The following MYO15B variants were observed in gnomAD, a reference collection of about 807,000 sequenced individuals.
MYO15B encodes myosin XVB, also known as myosin XVB pseudogene.
Under a neutral mutation model 119.3 loss-of-function variants are expected in MYO15B, and 207 were observed. The observed-to-expected ratio is 1.73, with a 90% confidence interval of 1.55 to 1.95. The LOEUF is 1.95. MYO15B is among the 30% of genes most tolerant of loss of function. MYO15B has a pLI of 0.00. For synonymous variants in MYO15B, 966 were observed against 498.9 expected, an observed-to-expected ratio of 1.94 and a Z score of -12.48; for missense variants, 2,264 against 1,203.1, an observed-to-expected ratio of 1.88 and a Z score of -13.04.
At position 75,605,176 on chromosome 17, in the gene MYO15B, G is replaced by A. The variant is rs190160964; in HGVS notation, c.4017-328G>A. On this transcript the variant is annotated intron_variant, in intron 19 of 63. Transcript: ENST00000645453. ...AAAAAGGCCGGGCGCAGTGGCTCAC[G>A]CCTGTAATCCCAGCACTTTGGGAGG... 2.4e-3 allele frequency among the ~76,000 whole-genome samples: 366 copies of A among 151,228 alleles called. 1 individual carries two copies. Among genetic ancestry groups the A allele is most frequent in the Non-Finnish European group, 4.2e-3 (288 of 67,846 alleles).
At chr17:75,619,969 G>A (rs1409634119) in exon 47 of MYO15B, 2 of 702,746 alleles carry the variant, frequency 2.8e-6, no homozygotes, top group Non-Finnish European at 5.2e-6. Flanking sequence ...ACACAGCCCG[G>A]GCAAGGGCCA....
exon 53 of MYO15B, chr17:75,622,036 C>A: frequency 1.4e-6 from 1 of 702,986 alleles, no homozygotes; most frequent in Non-Finnish European, 2.6e-6. Context: ...CCAGTCCAAG[C>A]CCCGGGGCAA....
At position 75,620,456 on chromosome 17, in the gene MYO15B, G is replaced by T. The variant is rs375571740; in HGVS notation, c.7556-11G>T. On this transcript the variant is annotated splice_polypyrimidine_tract_variant and intron_variant, in intron 48 of 63. Coordinates refer to ENST00000645453, the Ensembl canonical transcript of MYO15B. ...TCCAGTGGGTGAGCCACATCCCTGG[G>T]TGCCTTCCAGGCTGGCAGTTTGGCT... The T allele has an allele frequency of 1.4e-6, 1 of 702,492 alleles. No homozygotes were observed. Among genetic ancestry groups the T allele is most frequent in the African/African-American group, 1.7e-5 (1 of 57,356 alleles). 43.5% of individuals were successfully genotyped at this position (702,492 alleles called of 1,614,324 possible).
At chr17:75,595,642 G>A (rs929800585) in intron 12 of MYO15B, among the ~76,000 whole-genome samples, 3 of 152,194 alleles carry the variant, frequency 2.0e-5, no homozygotes, top group East Asian at 1.9e-4. Context: ...CACTCTGGCC[G>A]GTCCTGCCTT....
At chr17:75,597,382 C>A (rs2056932714) in intron 14 of MYO15B, among the ~76,000 whole-genome samples, 1 of 152,244 alleles carries the variant, frequency 6.6e-6, no homozygotes. Flanking sequence ...TTTCCCGTTT[C>A]AGCGCGCGTC....
exon 56 of MYO15B, chr17:75,624,229 G>A (rs1029868915): frequency 2.7e-5 from 19 of 702,980 alleles, no homozygotes; most frequent in East Asian, 5.4e-5. Flanking sequence ...TATGGGGGGC[G>A]CCGGCGGATG....
At chr17:75,614,779 T>C (rs1414386621) in exon 32 of MYO15B, 1 of 702,540 alleles carries the variant, frequency 1.4e-6, no homozygotes. Flanking sequence ...ACAGGGGAGG[T>C]CCAGAGGTCA....
intron 16 of MYO15B, 81 bp from the exon 17 acceptor site, chr17:75,602,749 T>C: frequency 3.3e-6 from 2 of 604,492 alleles, no homozygotes; most frequent in South Asian, 3.9e-5. Flanking sequence ...TGCCGAGGGC[T>C]GGTCCATTCT....
intron 4 of MYO15B, 59 bp downstream of exon 4, chr17:75,591,305 CG>C (rs2056431877): frequency 1.4e-6 from 1 of 695,212 alleles, no homozygotes; most frequent in Middle Eastern, 2.3e-4. Flanking sequence ...GTTGATGGGG[CG>C]GGGCCTGAGG....
chr17:75,599,763 C>T (rs1453177898), intron 14 of MYO15B, among the ~76,000 whole-genome samples: 2 of 150,190 alleles, frequency 1.3e-5, no homozygotes, highest in East Asian at 2.1e-4. Context: ...AGCGTGGTGG[C>T]GGGTGCCTGT....
At position 75,618,107 on chromosome 17, in the gene MYO15B, C is replaced by G. The variant is rs1200697499; in HGVS notation, c.6928-19C>G. 7.1e-6 allele frequency: 5 copies of G among 703,034 alleles called. No individual in the cohort carries two copies. Among genetic ancestry groups the G allele is most frequent in the Admixed American group, 4.0e-5 (2 of 50,002 alleles). The allele number at this position is 703,034 out of a possible 1,614,324, so 43.5% of individuals were successfully genotyped here. A position where few individuals can be genotyped will look rare whatever the true frequency, so the allele number is the denominator to read the frequency against. ...GGCACCAGACCCACCGATCTTTGCC[C>G]TTCTGTGCCCTCCTCCAGGTGTTCT... On this transcript the variant is annotated intron_variant, in intron 42 of 63. Coordinates refer to ENST00000645453, the Ensembl canonical transcript of MYO15B.
chr17:75,620,887 C>T (rs1406904908), intron 49 of MYO15B, 144 bp from the exon 50 acceptor site: 4 of 701,992 alleles, frequency 5.7e-6, no homozygotes, highest in Non-Finnish European at 1.0e-5. Flanking sequence ...GCTGCCCCAG[C>T]AGATGCTTAA....
chr17:75,603,244 A>G (rs1227386569), exon 19 of MYO15B: 1 of 702,996 alleles, frequency 1.4e-6, no homozygotes, highest in African/African-American at 1.7e-5. Context: ...AGGCAGCCAT[A>G]CTGGAGGCCG....
rs549654957 is a variant in MYO15B, at chr17:75,598,606, A to G, written c.3525+1707A>G. Among the ~76,000 whole-genome samples, 7 of 152,158 alleles carry G rather than the reference A, an allele frequency of 4.6e-5. No individual in the cohort carries two copies. The South Asian group carries it at 1.5e-3, about 32-fold the overall frequency. On this transcript the variant is annotated intron_variant, in intron 14 of 63. Coordinates refer to ENST00000645453, the Ensembl canonical transcript of MYO15B. ...CAAATGTTATTGTAATAGTTCGTTG[A>G]TCACTGTCATATTAATGCAATACAT...
exon 49 of MYO15B, chr17:75,620,586 C>G (rs1404844045): frequency 1.4e-6 from 1 of 702,780 alleles, no homozygotes; most frequent in Non-Finnish European, 2.6e-6. Flanking sequence ...GCACAAGGGT[C>G]AGCTGTCCAA....
Position 75,589,534 on chromosome 17 carries a change from C to A in MYO15B, c.1477C>A (p.Leu493Met). 2 of 398,708 alleles carry A rather than the reference C, an allele frequency of 5.0e-6. No individual in the cohort carries two copies. The highest frequency in any genetic ancestry group is 2.5e-4 in the South Asian group (2 of 7,880). 24.7% of individuals were successfully genotyped at this position (398,708 alleles called of 1,614,324 possible). ...CGAGGGGTGGGGCCGTGAGCCCGGG[C>A]TGCGGCACCGTCTAGCGTTGCGCCT... The change falls in exon 1 of 64, where the codon CTG (leucine) becomes ATG (methionine). Residue 493 changes from leucine to methionine, a missense_variant. By Grantham distance (15) the Leu-to-Met change is conservative. Coordinates refer to ENST00000645453, the Ensembl canonical transcript of MYO15B. This position sits in a 1 kb window ranked among gnomAD's most constrained non-coding sequence, Gnocchi z 4.2.
exon 1 of MYO15B, chr17:75,587,925 G>T (rs755005192): frequency 2.0e-4 from 78 of 396,298 alleles, no homozygotes; most frequent in Non-Finnish European, 3.3e-4. Context: ...GGGCACCTCG[G>T]GGAGTAGAGC....
At chr17:75,594,071 C>G (rs1331890943) in intron 9 of MYO15B, among the ~76,000 whole-genome samples, 1 of 116,374 alleles carries the variant, frequency 8.6e-6, no homozygotes, top group African/African-American at 3.4e-5. Flanking sequence ...GCCTGGGTAA[C>G]AGAGTGAGAC....
At position 75,621,343 on chromosome 17, in the gene MYO15B, A is replaced by C. The variant is rs940649888; in HGVS notation, c.7872-2A>C. On this transcript the variant is annotated splice_acceptor_variant, in intron 50 of 63. Coordinates refer to ENST00000645453, the Ensembl canonical transcript of MYO15B. LOFTEE classifies it high-confidence loss of function. ...TGGGCTGTCTCCCTCTGCCCCCCACAGGCTGGGCCAGACTGATGGAGGTGC... is the reference window on the plus strand; with the variant it reads ...TGGGCTGTCTCCCTCTGCCCCCCACCGGCTGGGCCAGACTGATGGAGGTGC... The C allele has an allele frequency of 2.9e-6, 2 of 697,614 alleles. No homozygotes were observed. Among genetic ancestry groups the C allele is most frequent in the Non-Finnish European group, 5.2e-6 (2 of 381,110 alleles). 43.2% of individuals were successfully genotyped at this position (697,614 alleles called of 1,614,324 possible). A position where few individuals can be genotyped will look rare whatever the true frequency, so the allele number is the denominator to read the frequency against.
Sources: gnomAD v4.1 joint callset for allele counts (sites outside exome capture counted in the v4.1 genomes callset) on GRCh38, gnomAD v4.1.1 for gene constraint, Gnocchi (gnomAD v3.1) non-coding constraint, MANE v1.5 for transcripts, NCBI Gene and HGNC (gene_info 2026-07-23, HGNC 2026-07-21) for gene names.